MED21: variants seen among roughly 807,000 people sequenced by gnomAD.
The protein encoded by MED21 is mediator of RNA polymerase II transcription subunit 21.
A neutral mutation model predicts 18.2 loss-of-function variants in MED21; 9 were observed. That is an observed-to-expected ratio of 0.49 (90% CI 0.30 to 0.86). MED21 has a LOEUF of 0.86. Among genes scored for constraint, MED21 ranks in the 40% least tolerant of loss-of-function variants. MED21 has a pLI of 0.07. For missense variants in MED21, 150 were observed against 170.9 expected (o/e 0.88, Z 0.68); for synonymous variants, 73 against 60.5 (o/e 1.21, Z -0.96).
chr12:27,037,981 G>A (rs1307301919), intron 2 of MED21: 1 of 152,180 alleles, frequency 6.6e-6, no homozygotes, highest in Non-Finnish European at 1.5e-5. Context: ...TAAAGGGTAT[G>A]TACAAAACTG....
At position 27,024,821 on chromosome 12, in the gene MED21, T is replaced by C. The variant is rs185740677; in HGVS notation, c.43-1599T>C. On this transcript the variant is annotated intron_variant, in intron 1 of 3. Transcript: ENST00000282892. ...ACATTTAAGTGATGGAAAAACAGTA[T>C]GTGGTTAGGGAGTTATAATGAATTG... Among the ~76,000 whole-genome samples the C allele has an allele frequency of 1.5e-3, 229 of 152,284 alleles. 1 individual carries two copies. Among genetic ancestry groups the C allele is most frequent in the African/African-American group, 4.8e-3 (201 of 41,572 alleles).
In MED21 at chr12:27,030,150, T is replaced by C; in HGVS notation, c.*1689T>C. On this transcript the variant is annotated 3_prime_UTR_variant, in exon 4 of 4. Coordinates refer to ENST00000282892, the MANE Select transcript of MED21 (RefSeq NM_004264.5). The stretch of plus-strand genomic sequence containing the variant: ...TTTTTTTGTTGTTCTTGTTTCTGTT[T>C]TTTTAAGGTGAAGTCTCTGTCACCC... The C allele has an allele frequency of 1.5e-6, 1 of 661,164 alleles. No homozygotes were observed. The highest frequency in any genetic ancestry group is 2.8e-6 in the Non-Finnish European group (1 of 361,644). The allele number at this position is 661,164 out of a possible 1,614,324, so 41.0% of individuals were successfully genotyped here. A position where few individuals can be genotyped will look rare whatever the true frequency, so the allele number is the denominator to read the frequency against.
chr12:27,038,256 TA>T (rs759177683), intron 2 of MED21: 2 of 151,436 alleles, frequency 1.3e-5, no homozygotes, highest in Non-Finnish European at 2.9e-5. Flanking sequence ...CAACAAATGG[TA>T]AGAAAAACAC....
chr12:27,029,031 T>C lies in MED21; in HGVS notation c.*570T>C. 6 of 985,370 alleles carry C rather than the reference T, an allele frequency of 6.1e-6. No homozygotes were observed. Among genetic ancestry groups the C allele is most frequent in the South Asian group, 4.7e-5 (1 of 21,282 alleles). The allele number at this position is 985,370 out of a possible 1,614,324, so 61.0% of individuals were successfully genotyped here. Reference sequence around the variant, plus strand: ...GCTAGAACCTCATACCTGTTCTAGTTCATCTCCACGTTTATTTTACCAAGA... The same window carrying C: ...GCTAGAACCTCATACCTGTTCTAGTCCATCTCCACGTTTATTTTACCAAGA... On this transcript the variant is annotated 3_prime_UTR_variant, in exon 4 of 4. Coordinates refer to ENST00000282892, the MANE Select transcript of MED21 (RefSeq NM_004264.5).
In MED21 at chr12:27,029,475, G is replaced by A. The variant is rs1350605268; in HGVS notation, c.*1014G>A. On this transcript the variant is annotated 3_prime_UTR_variant, in exon 4 of 4. Coordinates refer to ENST00000282892, the MANE Select transcript of MED21 (RefSeq NM_004264.5). ...ACATTTTAACTAGCTATTTCCTGGG[G>A]CTGTATTTTTCAGAATATGCTGAGC... The A allele has an allele frequency of 1.0e-6, 1 of 985,278 alleles. No individual in the cohort carries two copies. The highest frequency in any genetic ancestry group is 1.1e-4 in the East Asian group (1 of 8,830). The allele number at this position is 985,278 out of a possible 1,614,324, so 61.0% of individuals were successfully genotyped here.
chr12:27,026,744 C>A (rs1941550024), intron 2 of MED21, among the ~76,000 whole-genome samples: 1 of 152,138 alleles, frequency 6.6e-6, no homozygotes, highest in African/African-American at 2.4e-5. Flanking sequence ...ATTGTTACTC[C>A]TTTAGAGGAG....
rs1941600952 is a variant in MED21 at position 27,030,167 on chromosome 12, C to CT, written c.*1707dup. ...TTTCTGTTTTTTTAAGGTGAAGTCT[C>CT]TGTCACCCAAGCTGAAGTGCAGTTC... On this transcript the variant is annotated 3_prime_UTR_variant, in exon 4 of 4. Transcript: ENST00000282892. The CT allele has an allele frequency of 1.5e-6, 1 of 650,498 alleles. No individual in the cohort carries two copies. The highest frequency in any genetic ancestry group is 2.8e-5 in the East Asian group (1 of 35,860). The allele number at this position is 650,498 out of a possible 1,614,324, so 40.3% of individuals were successfully genotyped here.
chr12:27,030,235 T>C lies in MED21; in HGVS notation c.*1774T>C. 2 of 631,518 alleles carry C rather than the reference T, an allele frequency of 3.2e-6. No homozygotes were observed. The highest frequency in any genetic ancestry group is 5.8e-6 in the Non-Finnish European group (2 of 343,128). The allele number at this position is 631,518 out of a possible 1,614,324, so 39.1% of individuals were successfully genotyped here. A position where few individuals can be genotyped will look rare whatever the true frequency, so the allele number is the denominator to read the frequency against. Reference sequence around the variant, plus strand: ...GCAGCTTCACCCTGGGTTCAGGTGATCCTCCCACTTCAGCCTCTTCAGTAA... The same window carrying C: ...GCAGCTTCACCCTGGGTTCAGGTGACCCTCCCACTTCAGCCTCTTCAGTAA... On this transcript the variant is annotated 3_prime_UTR_variant, in exon 4 of 4. Coordinates refer to ENST00000282892, the MANE Select transcript of MED21 (RefSeq NM_004264.5).
At chr12:27,037,988 A>C (rs1349797734) in intron 2 of MED21, 2 of 152,212 alleles carry the variant, frequency 1.3e-5, no homozygotes, top group Non-Finnish European at 2.9e-5. Flanking sequence ...TATGTACAAA[A>C]CTGTAGTAAC....
At chr12:27,022,880 G>T (rs1317014994) in intron 1 of MED21, 8 of 1,403,202 alleles carry the variant, frequency 5.7e-6, no homozygotes, top group East Asian at 3.1e-5. Flanking sequence ...GGGTGAGGCC[G>T]CCAGGACTTG....
rs144222775 is a variant in MED21 at position 27,030,122 on chromosome 12, G to GT, written c.*1670dup. ...TGTGATTCTCTGTAGAGGATATACAGTTTTTTTTTGTTGTTCTTGTTTCTG... is the reference window on the plus strand; with the variant it reads ...TGTGATTCTCTGTAGAGGATATACAGTTTTTTTTTTGTTGTTCTTGTTTCTG... On this transcript the variant is annotated 3_prime_UTR_variant, in exon 4 of 4. Coordinates refer to ENST00000282892, the MANE Select transcript of MED21 (RefSeq NM_004264.5). 2.8e-3 allele frequency: 1,700 copies of GT among 598,112 alleles called. No individual in the cohort carries two copies. Among genetic ancestry groups the GT allele is most frequent in the South Asian group, 6.2e-3 (317 of 51,472 alleles). The allele number at this position is 598,112 out of a possible 1,614,324, so 37.1% of individuals were successfully genotyped here. A position where few individuals can be genotyped will look rare whatever the true frequency, so the allele number is the denominator to read the frequency against.
In MED21 at chr12:27,030,207, A is replaced by G. The variant is rs1336098522; in HGVS notation, c.*1746A>G. ...AAGTGCAGTTCTGTGATCATGGCTCACTGCAGCTTCACCCTGGGTTCAGGT... is the reference window on the plus strand; with the variant it reads ...AAGTGCAGTTCTGTGATCATGGCTCGCTGCAGCTTCACCCTGGGTTCAGGT... On this transcript the variant is annotated 3_prime_UTR_variant, in exon 4 of 4. Coordinates refer to ENST00000282892, the MANE Select transcript of MED21 (RefSeq NM_004264.5). 1.5e-6 allele frequency: 1 copy of G among 645,240 alleles called. No individual in the cohort carries two copies. The highest frequency in any genetic ancestry group is 2.8e-5 in the East Asian group (1 of 35,630). The allele number at this position is 645,240 out of a possible 1,614,324, so 40.0% of individuals were successfully genotyped here.
intron 1 of MED21, among the ~76,000 whole-genome samples, chr12:27,025,175 G>A (rs1941527921): frequency 6.6e-6 from 1 of 152,186 alleles, no homozygotes; most frequent in East Asian, 1.9e-4. Flanking sequence ...ATAGGAGAAT[G>A]TATCCAATTT....
chr12:27,033,182 C>G (rs1242954885), downstream of MED21, among the ~76,000 whole-genome samples: 1 of 152,150 alleles, frequency 6.6e-6, no homozygotes, highest in East Asian at 1.9e-4. Context: ...CTATATATAG[C>G]AAAATACCAT....
downstream of MED21, among the ~76,000 whole-genome samples, chr12:27,031,096 G>A (rs1433879745): frequency 1.3e-5 from 2 of 151,900 alleles, no homozygotes; most frequent in Admixed American, 1.3e-4. Context: ...TAGTAGAGAC[G>A]GGGTTTCTCC....
At position 27,029,955 on chromosome 12, in the gene MED21, AAAG is replaced by A; in HGVS notation, c.*1498_*1500del. The stretch of plus-strand genomic sequence containing the variant: ...AAAGAATTCAAGGGAAGCTTTTTAA[AAAG>A]AAGGGAAGTTATAGCAGAAGGAAAC... On this transcript the variant is annotated 3_prime_UTR_variant, in exon 4 of 4. Coordinates refer to ENST00000282892, the MANE Select transcript of MED21 (RefSeq NM_004264.5). 3.3e-6 allele frequency: 1 copy of A among 305,148 alleles called. No homozygotes were observed. Among genetic ancestry groups the A allele is most frequent in the Non-Finnish European group, 4.8e-6 (1 of 207,942 alleles). The allele number at this position is 305,148 out of a possible 1,614,324, so 18.9% of individuals were successfully genotyped here.
intron 1 of MED21, among the ~76,000 whole-genome samples, chr12:27,025,218 C>G (rs1337045010): frequency 6.6e-6 from 1 of 152,126 alleles, no homozygotes; most frequent in Non-Finnish European, 1.5e-5. Context: ...ATTAATAGAG[C>G]TAGGATCAGG....
chr12:27,031,122 G>C (rs1467131462), downstream of MED21, among the ~76,000 whole-genome samples: 3 of 151,980 alleles, frequency 2.0e-5, no homozygotes, highest in Non-Finnish European at 4.4e-5. Context: ...GGTCAGGCTG[G>C]TCTCGAACTC....
rs1941583154 is a variant in MED21, at chr12:27,029,105, C to T, written c.*644C>T. 1 of 985,306 alleles carries T rather than the reference C, an allele frequency of 1.0e-6. No homozygotes were observed. The highest frequency in any genetic ancestry group is 4.7e-5 in the South Asian group (1 of 21,290). The allele number at this position is 985,306 out of a possible 1,614,324, so 61.0% of individuals were successfully genotyped here. ...TGGCTGTTGTGAAAGAATTTTTCTA[C>T]ATCCTGAACTATTTTTCCTATTTCT... is the stretch of plus-strand genomic sequence containing the variant. On this transcript the variant is annotated 3_prime_UTR_variant, in exon 4 of 4. Coordinates refer to ENST00000282892, the MANE Select transcript of MED21 (RefSeq NM_004264.5).
Sources: allele counts gnomAD v4.1 joint callset (sites outside exome capture counted in the v4.1 genomes callset), GRCh38; gene constraint gnomAD v4.1.1; transcripts MANE v1.5; gene names NCBI Gene and HGNC (gene_info 2026-07-23, HGNC 2026-07-21).